Variants in FUT8 observed in about 807,000 individuals in gnomAD.
FUT8 encodes fucosyltransferase 8, also known as alpha-(1,6)-fucosyltransferase.
A neutral mutation model predicts 71.3 loss-of-function variants in FUT8; 29 were observed. The ratio of observed to expected loss-of-function variants is 0.41; its 90% CI spans 0.30 to 0.55. The LOEUF is 0.55. Ranked by LOEUF, FUT8 falls within the 20% of genes least tolerant of loss-of-function variation. FUT8 has a pLI of 0.34. For missense variants in FUT8, 544 were observed against 702.1 expected, an observed-to-expected ratio of 0.77 and a Z score of 2.55; for synonymous variants, 254 against 239.3, an observed-to-expected ratio of 1.06 and a Z score of -0.57.
At chr14:65,650,145 A>C (rs1891301073) in intron 6 of FUT8, among the ~76,000 whole-genome samples, 1 of 151,856 alleles carries the variant, frequency 6.6e-6, no homozygotes, top group Admixed American at 6.6e-5. Flanking sequence ...AAATACAAAA[A>C]AAAATTAGCC....
At chr14:65,628,844 T>G (rs1445620612) in intron 5 of FUT8, among the ~76,000 whole-genome samples, 1 of 152,246 alleles carries the variant, frequency 6.6e-6, no homozygotes, top group Non-Finnish European at 1.5e-5. Context: ...CAAATCTGGC[T>G]CATTGCCTGT....
chr14:65,598,805 C>A (rs559891416), intron 3 of FUT8, among the ~76,000 whole-genome samples: 10 of 151,438 alleles, frequency 6.6e-5, no homozygotes, highest in African/African-American at 2.4e-4. Flanking sequence ...TATTTTTTTT[C>A]CCCTGAGGTC....
At chr14:65,358,485 C>T in the FUT8 span, among the ~76,000 whole-genome samples, 2 of 151,752 alleles carry the variant, frequency 1.3e-5, no homozygotes, top group Non-Finnish European at 2.9e-5. Context: ...TTATTATTAT[C>T]ATTTTTGGAG....
Position 65,638,956 on chromosome 14 carries a change from C to G in FUT8, c.597+9350C>G, listed in dbSNP as rs1173100998. Among the ~76,000 whole-genome samples the G allele has an allele frequency of 6.6e-6, 1 of 152,112 alleles. No homozygotes were observed. The highest frequency in any genetic ancestry group is 1.5e-5 in the Non-Finnish European group (1 of 68,012). ...AATATTTGCTAAATATTTAATACAA[C>G]TGGGATGGGCAGAAACCTTCAGAGC... On this transcript the variant is annotated intron_variant, in intron 6 of 10. Coordinates refer to ENST00000673929, the MANE Select transcript of FUT8 (RefSeq NM_001371533.1). The surrounding 1 kb of genome is among the most constrained non-coding windows in gnomAD (Gnocchi z 4.5).
intron 3 of FUT8, among the ~76,000 whole-genome samples, chr14:65,605,360 G>T (rs1002372605): frequency 6.6e-5 from 10 of 151,906 alleles, no homozygotes; most frequent in Admixed American, 6.6e-4. Context: ...AGATTCATAT[G>T]TTGAAGCCCT....
At chr14:65,609,152 G>A (rs1313838280) in intron 3 of FUT8, among the ~76,000 whole-genome samples, 7 of 151,562 alleles carry the variant, frequency 4.6e-5, no homozygotes, top group South Asian at 2.1e-4. Context: ...AAAATTAGCC[G>A]GGTGTGGTGG....
At chr14:65,385,132 C>G in the FUT8 span, among the ~76,000 whole-genome samples, 1 of 152,000 alleles carries the variant, frequency 6.6e-6, no homozygotes, top group African/African-American at 2.4e-5. Context: ...CTCCTGACCT[C>G]AGGTGATGCA....
In FUT8 at chr14:65,677,151, T is replaced by TGTGTGCGTGCGC; in HGVS notation, c.835+7672_835+7673insTGTGCGTGCGCG. On this transcript the variant is annotated intron_variant, in intron 7 of 10. Coordinates refer to ENST00000673929, the MANE Select transcript of FUT8 (RefSeq NM_001371533.1). ...GTGTGTGTGTGTGTGTGTGTGTGTG[T>TGTGTGCGTGCGC]GCGCGCGCGCATGCGCGCGCACGTA... Among the ~76,000 whole-genome samples the TGTGTGCGTGCGC allele has an allele frequency of 9.9e-5, 11 of 110,744 alleles. No homozygotes were observed. The South Asian group carries it at 2.4e-3, about 24-fold the overall frequency. 72.7% of individuals were successfully genotyped at this position (110,744 alleles called of 152,430 possible).
At chr14:65,427,375 C>G (rs1167501014) in intron 1 of FUT8, among the ~76,000 whole-genome samples, 1 of 152,138 alleles carries the variant, frequency 6.6e-6, no homozygotes, top group African/African-American at 2.4e-5. Context: ...CCACACTGTT[C>G]TTTTATAATG....
intron 1 of FUT8, among the ~76,000 whole-genome samples, chr14:65,431,162 A>ATTT (rs34255715): frequency 7.8e-6 from 1 of 127,464 alleles, no homozygotes; most frequent in Non-Finnish European, 1.6e-5. Flanking sequence ...TACCCGGCTA[A>ATTT]TTTTTTTTTT....
upstream of FUT8, chr14:65,412,365 G>A (rs1235045515): frequency 2.2e-6 from 1 of 455,470 alleles, no homozygotes; most frequent in South Asian, 1.6e-5. Context: ...GACTGAGCTG[G>A]CACGGGCCGG....
At position 65,413,647 on chromosome 14, in the gene FUT8, C is replaced by A. The variant is rs76583746; in HGVS notation, c.-326+433C>A. Among the ~76,000 whole-genome samples, 1 of 152,266 alleles carries A rather than the reference C, an allele frequency of 6.6e-6. No homozygotes were observed. Among genetic ancestry groups the A allele is most frequent in the East Asian group, 1.9e-4 (1 of 5,186 alleles). On this transcript the variant is annotated intron_variant, in intron 1 of 10. Transcript: ENST00000673929. The surrounding 1 kb of genome is among the most constrained non-coding windows in gnomAD (Gnocchi z 4.1). ...CGCGGTTTGTGGGGAGGAAGATGCC[C>A]GTGCGTTATGGGCTCTTTCTGAGTG...
intron 1 of FUT8, among the ~76,000 whole-genome samples, chr14:65,452,710 G>A (rs2065845761): frequency 6.6e-6 from 1 of 152,142 alleles, no homozygotes; most frequent in South Asian, 2.1e-4. Flanking sequence ...CCACCAAAAA[G>A]GAATTGAGGG....
At chr14:65,730,162 G>C (rs1172819351) in intron 9 of FUT8, among the ~76,000 whole-genome samples, 1 of 152,138 alleles carries the variant, frequency 6.6e-6, no homozygotes, top group Non-Finnish European at 1.5e-5. Context: ...AGACTTTTCT[G>C]CTTCAAGAGG....
In FUT8 at chr14:65,433,784, T is replaced by TC. The variant is rs2065511301; in HGVS notation, c.-326+20571dup. ...CTTTTATTTCTACCTCTCTTCTGTC[T>TC]CTTCTCTCTCTCTCTCTCTCTCTCT... is the stretch of plus-strand genomic sequence containing the variant. On this transcript the variant is annotated intron_variant, in intron 1 of 10. Transcript: ENST00000673929. 7.3e-5 allele frequency among the ~76,000 whole-genome samples: 8 copies of TC among 109,340 alleles called. No individual in the cohort carries two copies. The South Asian group carries it at 3.3e-3, about 45-fold the overall frequency. The allele number at this position is 109,340 out of a possible 152,430, so 71.7% of individuals were successfully genotyped here.
intron 6 of FUT8, among the ~76,000 whole-genome samples, chr14:65,649,956 TA>T (rs1179067548): frequency 6.6e-6 from 1 of 152,166 alleles, no homozygotes; most frequent in Admixed American, 6.5e-5. Context: ...TAAGATATAG[TA>T]AACACATCAT....
intron 5 of FUT8, among the ~76,000 whole-genome samples, chr14:65,626,396 A>G (rs1472614942): frequency 6.6e-6 from 1 of 152,202 alleles, no homozygotes; most frequent in East Asian, 1.9e-4. Context: ...CTGGCTCCCA[A>G]AGCTCTCTCC....
intron 7 of FUT8, among the ~76,000 whole-genome samples, chr14:65,703,708 G>A (rs1399588372): frequency 1.3e-5 from 2 of 152,204 alleles, no homozygotes; most frequent in East Asian, 3.9e-4. Context: ...AAGAGTTAAA[G>A]ATGGGAGTGT....
chr14:65,412,273 C>T, upstream of FUT8: 1 of 455,762 alleles, frequency 2.2e-6, no homozygotes, highest in Non-Finnish European at 4.4e-6. Context: ...GCTGCAGGGG[C>T]TGAGCAGCAG....
Sources: gnomAD v4.1 joint callset for allele counts (sites outside exome capture counted in the v4.1 genomes callset) on GRCh38, gnomAD v4.1.1 for gene constraint, Gnocchi (gnomAD v3.1) non-coding constraint, MANE v1.5 for transcripts, NCBI Gene and HGNC (gene_info 2026-07-23, HGNC 2026-07-21) for gene names.